ARHGAP35: variants seen among roughly 807,000 people sequenced by gnomAD.
ARHGAP35 encodes the protein rho GTPase-activating protein 35.
A neutral mutation model predicts 111.1 loss-of-function variants in ARHGAP35; 15 were observed. The ratio of observed to expected loss-of-function variants is 0.13; its 90% CI spans 0.09 to 0.21. The LOEUF is 0.21. Among genes scored for constraint, ARHGAP35 ranks in the 10% least tolerant of loss-of-function variants. ARHGAP35 has a pLI of 1.00. For missense variants in ARHGAP35, 1,262 were observed against 1,873.0 expected (o/e 0.67, Z 6.02); for synonymous variants, 643 against 710.3 (o/e 0.91, Z 1.51).
intron 3 of ARHGAP35, among the ~76,000 whole-genome samples, chr19:46,967,938 T>A (rs1394280907): frequency 6.6e-6 from 1 of 152,194 alleles, no homozygotes; most frequent in Non-Finnish European, 1.5e-5. Flanking sequence ...CAGGGCTCCC[T>A]GCCATGTCTG....
At chr19:46,961,356 A>G (rs1194809701) in intron 3 of ARHGAP35, among the ~76,000 whole-genome samples, 1 of 152,186 alleles carries the variant, frequency 6.6e-6, no homozygotes. Flanking sequence ...GATACCTCAG[A>G]ATGGAATAGG....
chr19:46,879,639 C>T (rs2055948396), intron 1 of ARHGAP35, among the ~76,000 whole-genome samples: 1 of 38,932 alleles, frequency 2.6e-5, no homozygotes, highest in African/African-American at 8.6e-5. Flanking sequence ...CAAAAATTAG[C>T]CACGCATGGT....
chr19:46,932,268 T>C (rs2056277310), intron 2 of ARHGAP35, among the ~76,000 whole-genome samples: 1 of 152,012 alleles, frequency 6.6e-6, no homozygotes. Context: ...GGTGACGGAG[T>C]AAGACTCCAT....
At chr19:46,962,907 G>A (rs1191515371) in intron 3 of ARHGAP35, among the ~76,000 whole-genome samples, 3 of 152,050 alleles carry the variant, frequency 2.0e-5, no homozygotes, top group Non-Finnish European at 4.4e-5. Context: ...CACTGCGCCC[G>A]GCCTCAACCT....
At chr19:46,981,028 G>A (rs1000042863) in intron 3 of ARHGAP35, among the ~76,000 whole-genome samples, 8 of 152,178 alleles carry the variant, frequency 5.3e-5, no homozygotes, top group Admixed American at 3.9e-4. Flanking sequence ...GAGATTGGGG[G>A]AGTGCCGCAG....
intron 1 of ARHGAP35, among the ~76,000 whole-genome samples, chr19:46,898,393 T>C (rs1355795535): frequency 1.3e-5 from 2 of 152,104 alleles, no homozygotes; most frequent in African/African-American, 4.8e-5. Context: ...AACAACTAAA[T>C]ACACAGCCAA....
intron 3 of ARHGAP35, among the ~76,000 whole-genome samples, chr19:46,958,309 A>AG (rs994018284): frequency 2.7e-5 from 4 of 150,526 alleles, no homozygotes; most frequent in Non-Finnish European, 1.5e-5. Flanking sequence ...GCGTCAACCC[A>AG]GGAGGCGGAG....
intron 1 of ARHGAP35, among the ~76,000 whole-genome samples, chr19:46,877,469 C>T (rs901268528): frequency 6.6e-6 from 1 of 151,786 alleles, no homozygotes; most frequent in Non-Finnish European, 1.5e-5. Context: ...AAGGCTGAGT[C>T]AGGAGAATCA....
chr19:46,907,091 A>G lies in ARHGAP35; in HGVS notation c.-188-11397A>G, dbSNP rs185094636. Among the ~76,000 whole-genome samples the G allele has an allele frequency of 1.9e-3, 295 of 152,100 alleles. 1 individual carries two copies. Among genetic ancestry groups the G allele is most frequent in the African/African-American group, 6.9e-3 (288 of 41,508 alleles). On this transcript the variant is annotated intron_variant, in intron 1 of 6. Transcript: ENST00000672722. Reference sequence around the variant, plus strand: ...TGGGTGATAGAGTGAGACCCTGTCTAAAAAAAAGAATCTTTTTTCTTAATA... The same window carrying G: ...TGGGTGATAGAGTGAGACCCTGTCTGAAAAAAAGAATCTTTTTTCTTAATA...
intron 1 of ARHGAP35, among the ~76,000 whole-genome samples, chr19:46,899,699 A>G (rs1568463121): frequency 7.6e-6 from 1 of 131,204 alleles, no homozygotes; most frequent in Admixed American, 7.2e-5. Context: ...GACCCTGTAC[A>G]AAAAAAAACA....
chr19:46,876,233 C>T (rs1360443250), intron 1 of ARHGAP35, among the ~76,000 whole-genome samples: 8 of 150,520 alleles, frequency 5.3e-5, no homozygotes, highest in Non-Finnish European at 7.4e-5. Context: ...GAGACAGGAT[C>T]TCACCCACGT....
intron 1 of ARHGAP35, among the ~76,000 whole-genome samples, chr19:46,896,816 T>G (rs1373083174): frequency 2.0e-5 from 3 of 152,204 alleles, no homozygotes; most frequent in African/African-American, 7.2e-5. Flanking sequence ...GGGCATGATT[T>G]CCTATGGTAA....
rs147828745 is a variant in ARHGAP35, at chr19:46,929,868, C to T, written c.3682-7396C>T. On this transcript the variant is annotated intron_variant, in intron 2 of 6. Transcript: ENST00000672722. ...GGTGGAGTTTGCAGTGAACCAAGAT[C>T]GCACCATTGCACTCCAGCCTGGGCA... Among the ~76,000 whole-genome samples the T allele has an allele frequency of 4.9e-3, 737 of 150,438 alleles. 7 individuals carry two copies. The highest frequency in any genetic ancestry group is 7.8e-3 in the Non-Finnish European group (529 of 67,744).
In ARHGAP35 at chr19:46,919,763, G is replaced by C. The variant is rs377243118; in HGVS notation, c.1088G>C (p.Cys363Ser). ...PNLDEIDHLS[C>S]IKAKKLLETK... ...CTAGATGAAATAGACCACCTAAGCTGCATAAAAGCCAAAAAGCTCTTAGAA... is the reference window on the plus strand; with the variant it reads ...CTAGATGAAATAGACCACCTAAGCTCCATAAAAGCCAAAAAGCTCTTAGAA... The change falls in exon 2 of 7, where the codon TGC becomes TCC. Residue 363 changes from cysteine (C) to serine (S), a missense_variant. By Grantham distance (112) the Cys-to-Ser change is moderately radical. Coordinates refer to ENST00000672722, the MANE Select transcript of ARHGAP35 (RefSeq NM_004491.5). This position sits in a 1 kb window ranked among gnomAD's most constrained non-coding sequence, Gnocchi z 6.2. 6.2e-7 allele frequency: 1 copy of C among 1,613,992 alleles called. No individual in the cohort carries two copies. Among genetic ancestry groups the C allele is most frequent in the Non-Finnish European group, 8.5e-7 (1 of 1,179,894 alleles).
chr19:46,980,150 A>C (rs992055564), intron 3 of ARHGAP35, among the ~76,000 whole-genome samples: 4 of 152,054 alleles, frequency 2.6e-5, no homozygotes, highest in African/African-American at 9.7e-5. Context: ...TTTGGGAGGC[A>C]AAGGTGGGCG....
At position 47,000,331 on chromosome 19, in the gene ARHGAP35, G is replaced by T; in HGVS notation, c.4143G>T (p.Lys1381Asn). The T allele has an allele frequency of 6.2e-7, 1 of 1,613,488 alleles. No homozygotes were observed. Among genetic ancestry groups the T allele is most frequent in the South Asian group, 1.1e-5 (1 of 91,054 alleles). The change falls in exon 7 of 7, where the codon AAG becomes AAT. Residue 1381 changes from lysine (K) to asparagine (N), a missense_variant and splice_region_variant. By Grantham distance (94) the Lys-to-Asn change is moderately conservative (BLOSUM62 0). Coordinates refer to ENST00000672722, the MANE Select transcript of ARHGAP35 (RefSeq NM_004491.5). The surrounding 1 kb of genome is among the most constrained non-coding windows in gnomAD (Gnocchi z 6.9). Reference sequence around the variant, plus strand: ...CCATTGAGTTTGGTGTCGCCCGCAGGGTCAGCCACAACAACAAGGTGAATC... The same window carrying T: ...CCATTGAGTTTGGTGTCGCCCGCAGTGTCAGCCACAACAACAAGGTGAATC... ...VFKYVISHLN[K>N]VSHNNKVNLM... is the part of the protein sequence containing the mutation.
rs11449203 is a variant in ARHGAP35, at chr19:46,956,956, C to CTTTTTTTTT, written c.3826+19561_3826+19569dup. ...TATCATTAGCTGTTCTTAAAGCAGA[C>CTTTTTTTTT]TTTTTTTTTTTTTTTTTTTTTGAGA... is the stretch of plus-strand genomic sequence containing the variant. On this transcript the variant is annotated intron_variant, in intron 3 of 6. Transcript: ENST00000672722. Among the ~76,000 whole-genome samples, 4 of 107,618 alleles carry CTTTTTTTTT rather than the reference C, an allele frequency of 3.7e-5. 1 individual carries two copies. Among genetic ancestry groups the CTTTTTTTTT allele is most frequent in the Non-Finnish European group, 5.5e-5 (3 of 54,716 alleles). 70.6% of individuals were successfully genotyped at this position (107,618 alleles called of 152,430 possible).
chr19:46,909,462 G>A (rs750253441), intron 1 of ARHGAP35, among the ~76,000 whole-genome samples: 5 of 152,266 alleles, frequency 3.3e-5, no homozygotes, highest in African/African-American at 9.6e-5. Flanking sequence ...CTGAATGCGC[G>A]TAATCAATAT....
chr19:46,878,006 C>T (rs1403031548), intron 1 of ARHGAP35, among the ~76,000 whole-genome samples: 4 of 151,944 alleles, frequency 2.6e-5, no homozygotes, highest in Non-Finnish European at 5.9e-5. Context: ...CCGCTCCCGG[C>T]CTAAATTTTT....
Sources: allele counts gnomAD v4.1 joint callset (sites outside exome capture counted in the v4.1 genomes callset), GRCh38; gene constraint gnomAD v4.1.1; non-coding constraint Gnocchi (gnomAD v3.1); transcripts MANE v1.5; gene names NCBI Gene and HGNC (gene_info 2026-07-23, HGNC 2026-07-21).